HIVEP2: variants seen among roughly 807,000 people sequenced by gnomAD.
HIVEP2 encodes transcription factor HIVEP2.
HIVEP2 carries 14 observed loss-of-function variants against 180.7 expected under a neutral mutation model. The ratio of observed to expected loss-of-function variants is 0.08; its 90% confidence interval spans 0.05 to 0.12. HIVEP2 has a LOEUF of 0.12. HIVEP2 is among the 10% of genes least tolerant of loss of function. The pLI, the probability that HIVEP2 is intolerant of heterozygous loss-of-function variation, is 1.00. For synonymous variants in HIVEP2, 1,184 were observed against 1,136.4 expected (o/e 1.04, Z -0.84); for missense variants, 2,579 against 3,008.5 (o/e 0.86, Z 3.34).
chr6:142,772,291 C>T lies in HIVEP2; in HGVS notation c.2448G>A (p.Arg816=), dbSNP rs774285990. The T allele has an allele frequency of 1.9e-6, 3 of 1,614,222 alleles. No individual in the cohort carries two copies. Among genetic ancestry groups the T allele is most frequent in the African/African-American group, 1.3e-5 (1 of 75,060 alleles). ...AAGCCACAAGTTCGGCTGACTCAGA[C>T]CTTTCAAATGAATTGGGTCGGCTCA... The part of the protein sequence containing the change: ...NSLSRPNSFE[R]SESAELVACT... Residue 816 remains arginine, a synonymous_variant, in exon 5 of 10, where the codon AGG becomes AGA. Coordinates refer to ENST00000367603, the MANE Select transcript of HIVEP2 (RefSeq NM_006734.4). This position sits in a 1 kb window ranked among gnomAD's most constrained non-coding sequence, Gnocchi z 4.9.
chr6:142,856,886 G>A (rs1775835671), intron 1 of HIVEP2, among the ~76,000 whole-genome samples: 1 of 152,212 alleles, frequency 6.6e-6, no homozygotes, highest in Non-Finnish European at 1.5e-5. Context: ...ACTGGTCCGA[G>A]ACCAACCTGG....
intron 2 of HIVEP2, among the ~76,000 whole-genome samples, chr6:142,800,645 T>C (rs1267795047): frequency 6.6e-6 from 1 of 152,100 alleles, no homozygotes; most frequent in East Asian, 1.9e-4. Context: ...ATGCTTCCCT[T>C]TAATATTCTC....
chr6:142,866,187 T>G (rs1776134174), intron 1 of HIVEP2, among the ~76,000 whole-genome samples: 1 of 152,180 alleles, frequency 6.6e-6, no homozygotes, highest in African/African-American at 2.4e-5. Flanking sequence ...TCTAATGCCC[T>G]CTAGAACCTT....
chr6:142,826,212 G>C (rs79305945), intron 2 of HIVEP2, among the ~76,000 whole-genome samples: 2 of 152,044 alleles, frequency 1.3e-5, no homozygotes, highest in East Asian at 1.9e-4. Flanking sequence ...AGAAATTTCC[G>C]CTATGTGTAT....
chr6:142,870,788 C>T (rs1315921290), intron 1 of HIVEP2, among the ~76,000 whole-genome samples: 1 of 152,036 alleles, frequency 6.6e-6, no homozygotes, highest in African/African-American at 2.4e-5. Context: ...ATTGAGGGAA[C>T]CAGGACAGGA....
At chr6:142,898,281 T>C (rs1245196095) in intron 1 of HIVEP2, among the ~76,000 whole-genome samples, 1 of 152,116 alleles carries the variant, frequency 6.6e-6, no homozygotes, top group East Asian at 1.9e-4. Flanking sequence ...ACTGGAGAAG[T>C]AAAATTGAAA....
rs34530989 is a variant in HIVEP2, at chr6:142,769,597, T to C, written c.5142A>G (p.Gly1714=). The part of the protein sequence containing the change: ...IYTLAAMHRP[G]TGKLTSSSAW... ...CACTTGATGATGTAAGCTTGCCGGT[T>C]CCAGGCCTATGCATAGCAGCCAGAG... is the stretch of plus-strand genomic sequence containing the variant. The change falls in exon 5 of 10, where the codon GGA becomes GGG. Residue 1714 remains glycine, a synonymous_variant. Transcript: ENST00000367603. The C allele has an allele frequency of 0.17, 275,782 of 1,613,632 alleles. 25,098 individuals are homozygous for C. Among genetic ancestry groups the C allele is most frequent in the Middle Eastern group, 0.24 (1,438 of 6,062 alleles).
At chr6:142,936,620 T>TAC (rs941102641) in intron 1 of HIVEP2, among the ~76,000 whole-genome samples, 1 of 152,170 alleles carries the variant, frequency 6.6e-6, no homozygotes, top group Admixed American at 6.5e-5. Context: ...TATATGTACA[T>TAC]ACACACATAC....
At chr6:142,836,517 G>A (rs578187557) in intron 2 of HIVEP2, among the ~76,000 whole-genome samples, 2 of 152,066 alleles carry the variant, frequency 1.3e-5, no homozygotes, top group African/African-American at 4.8e-5. Flanking sequence ...AATGAGAATG[G>A]TTTAAAATAC....
At chr6:142,832,542 A>G (rs1412386733) in intron 2 of HIVEP2, among the ~76,000 whole-genome samples, 1 of 152,250 alleles carries the variant, frequency 6.6e-6, no homozygotes, top group Non-Finnish European at 1.5e-5. Context: ...GCATTAACCC[A>G]AAATGCAAAT....
intron 9 of HIVEP2, among the ~76,000 whole-genome samples, chr6:142,759,398 T>A (rs1775161936): frequency 6.6e-6 from 1 of 152,240 alleles, no homozygotes; most frequent in South Asian, 2.1e-4. Context: ...ATGAGTTATA[T>A]AAGTGATGCC....
chr6:142,777,623 G>A (rs774208949), intron 3 of HIVEP2, among the ~76,000 whole-genome samples: 18 of 110,010 alleles, frequency 1.6e-4, no homozygotes, highest in Non-Finnish European at 3.0e-4. Context: ...ATTCCAGCCT[G>A]GGCAACAAGA....
intron 1 of HIVEP2, among the ~76,000 whole-genome samples, chr6:142,928,354 GA>G (rs1777862780): frequency 6.6e-6 from 1 of 152,154 alleles, no homozygotes; most frequent in African/African-American, 2.4e-5. Flanking sequence ...TTAATCTTAA[GA>G]ATTGGCACAG....
chr6:142,835,891 G>A (rs1363848394), intron 2 of HIVEP2, among the ~76,000 whole-genome samples: 1 of 152,086 alleles, frequency 6.6e-6, no homozygotes, highest in Non-Finnish European at 1.5e-5. Context: ...CAACGCTATC[G>A]CTAAAAAACC....
Position 142,770,155 on chromosome 6 carries a change from A to G in HIVEP2, c.4584T>C (p.Ser1528=). ...ATGGCTCCCTGGAAGACGGGCTAAC[A>G]GAAGGATAGTCTTGAGATGAGGAGG... is the stretch of plus-strand genomic sequence containing the variant. ...LSPSSSQDYP[S]VSPSSREPFL... Residue 1528 remains serine, a synonymous_variant, in exon 5 of 10, where the codon TCT becomes TCC. Coordinates refer to ENST00000367603, the MANE Select transcript of HIVEP2 (RefSeq NM_006734.4). The surrounding 1 kb of genome is among the most constrained non-coding windows in gnomAD (Gnocchi z 4.7). 1 of 1,614,216 alleles carries G rather than the reference A, an allele frequency of 6.2e-7. No individual in the cohort carries two copies. The highest frequency in any genetic ancestry group is 2.2e-5 in the East Asian group (1 of 44,888).
rs1435098985 is a variant in HIVEP2, at chr6:142,771,949, G to T, written c.2790C>A (p.Leu930=). The change falls in exon 5 of 10, where the codon CTC becomes CTA. Residue 930 remains leucine (L), a synonymous_variant. Coordinates refer to ENST00000367603, the MANE Select transcript of HIVEP2 (RefSeq NM_006734.4). The surrounding 1 kb of genome is among the most constrained non-coding windows in gnomAD (Gnocchi z 5.4). ...TTTTGGGTGGCAACTTCTCCGCGGG[G>T]AGCTGGGAAAGGGTCTCACTTCTCT... is the stretch of plus-strand genomic sequence containing the variant. ...WPQRSETLSQ[L]PAEKLPPKKK... is the part of the protein sequence containing the mutation. 6.2e-7 allele frequency: 1 copy of T among 1,614,056 alleles called. No individual in the cohort carries two copies. Among genetic ancestry groups the T allele is most frequent in the East Asian group, 2.2e-5 (1 of 44,892 alleles).
intron 6 of HIVEP2, among the ~76,000 whole-genome samples, chr6:142,765,596 T>C (rs1775362522): frequency 6.6e-6 from 1 of 152,198 alleles, no homozygotes; most frequent in Admixed American, 6.5e-5. Flanking sequence ...GAATCTGTAA[T>C]AATGTGGAGT....
intron 1 of HIVEP2, among the ~76,000 whole-genome samples, chr6:142,868,826 A>G (rs1776211896): frequency 6.6e-6 from 1 of 152,224 alleles, no homozygotes; most frequent in Non-Finnish European, 1.5e-5. Flanking sequence ...TAATCAGAAA[A>G]CACTTATCCT....
rs371829616 is a variant in HIVEP2 at position 142,769,879 on chromosome 6, T to C, written c.4860A>G (p.Ala1620=). The part of the protein sequence containing the change: ...RMASAPSGNV[A]DSTLLLTDMA... ...TGTCCGTGAGAAGAAGAGTTGAGTC[T>C]GCCACGTTCCCGCTGGGGGCAGAGG... Residue 1620 remains alanine (A), a synonymous_variant, in exon 5 of 10, where the codon GCA becomes GCG. Transcript: ENST00000367603. The C allele has an allele frequency of 6.9e-5, 111 of 1,614,002 alleles. No individual in the cohort carries two copies. The highest frequency in any genetic ancestry group is 9.2e-5 in the Non-Finnish European group (108 of 1,180,040).
Sources: allele counts gnomAD v4.1 joint callset (sites outside exome capture counted in the v4.1 genomes callset), GRCh38; gene constraint gnomAD v4.1.1; non-coding constraint Gnocchi (gnomAD v3.1); transcripts MANE v1.5; gene names NCBI Gene and HGNC (gene_info 2026-07-23, HGNC 2026-07-21).